Variants in SCHIP1 observed in about 807,000 individuals in gnomAD.
SCHIP1 encodes the protein schwannomin-interacting protein 1.
A neutral mutation model predicts 29.7 loss-of-function variants in SCHIP1; 8 were observed. The ratio of observed to expected loss-of-function variants is 0.27; its 90% CI spans 0.16 to 0.49. SCHIP1 has a LOEUF of 0.49. Ranked by LOEUF, SCHIP1 falls within the 20% of genes least tolerant of loss-of-function variation. The pLI is 0.99. For missense variants in SCHIP1, 193 were observed against 294.6 expected (o/e 0.66, Z 2.52); for synonymous variants, 76 against 94.9 (o/e 0.80, Z 1.16).
the SCHIP1 span, among the ~76,000 whole-genome samples, chr3:159,723,411 A>G: frequency 6.6e-6 from 1 of 152,216 alleles, no homozygotes; most frequent in Non-Finnish European, 1.5e-5. Context: ...CAGAAATAGA[A>G]AAGTATCACA....
At chr3:159,607,427 TATAAC>T in the SCHIP1 span, among the ~76,000 whole-genome samples, 2 of 152,120 alleles carry the variant, frequency 1.3e-5, no homozygotes, top group African/African-American at 4.8e-5. Context: ...ATTCCAAAAT[TATAAC>T]AGAGATCGAT....
At chr3:159,388,931 T>A in the SCHIP1 span, among the ~76,000 whole-genome samples, 4 of 152,062 alleles carry the variant, frequency 2.6e-5, no homozygotes, top group East Asian at 7.7e-4. Flanking sequence ...AATCTAAATA[T>A]ACGAATTTAT....
At position 159,866,664 on chromosome 3, in the gene SCHIP1, C is replaced by T. The variant is rs192195543; in HGVS notation, c.149+383C>T. On this transcript the variant is annotated intron_variant, in intron 2 of 6. Transcript: ENST00000445224. ...GTCCCAGATCACCCAGAATCACCCC[C>T]CTGACACATTTGATTGCAATAAATA... Among the ~76,000 whole-genome samples the T allele has an allele frequency of 4.3e-3, 658 of 152,222 alleles. 7 individuals are homozygous for T. Among genetic ancestry groups the T allele is most frequent in the African/African-American group, 0.015 (637 of 41,536 alleles).
the SCHIP1 span, among the ~76,000 whole-genome samples, chr3:159,510,113 C>T: frequency 2.0e-5 from 3 of 152,192 alleles, no homozygotes; most frequent in Non-Finnish European, 2.9e-5. Flanking sequence ...ACCAATCAGA[C>T]GTAGATTTGG....
At chr3:159,402,383 G>C in the SCHIP1 span, among the ~76,000 whole-genome samples, 2,416 of 152,278 alleles carry the variant, frequency 0.016, 84 homozygotes, top group African/African-American at 0.056. Context: ...CGATTCCTCA[G>C]AGATCTAGAA....
At chr3:159,299,682 C>T in the SCHIP1 span, among the ~76,000 whole-genome samples, 2 of 152,140 alleles carry the variant, frequency 1.3e-5, no homozygotes, top group African/African-American at 4.8e-5. Context: ...GGATGGGTTG[C>T]TCTGGTGTGG....
intron 1 of SCHIP1, chr3:159,853,564 A>T: frequency 3.9e-6 from 2 of 515,568 alleles, no homozygotes; most frequent in South Asian, 3.0e-5. Context: ...GGCTATTGCC[A>T]TAATATAGTC....
chr3:159,394,298 C>G, the SCHIP1 span, among the ~76,000 whole-genome samples: 1 of 151,892 alleles, frequency 6.6e-6, no homozygotes, highest in Non-Finnish European at 1.5e-5. Flanking sequence ...TAACTAAATA[C>G]CCTTTATTTC....
chr3:159,716,574 A>G, the SCHIP1 span, among the ~76,000 whole-genome samples: 1 of 152,006 alleles, frequency 6.6e-6, no homozygotes, highest in Admixed American at 6.6e-5. Flanking sequence ...AGCAAATGTA[A>G]AACAAAGAAA....
chr3:159,717,888 G>T, the SCHIP1 span, among the ~76,000 whole-genome samples: 1 of 152,176 alleles, frequency 6.6e-6, no homozygotes, highest in African/African-American at 2.4e-5. Flanking sequence ...TATGAGGCCA[G>T]CATCATCCTG....
At chr3:159,860,079 G>A (rs1351835991) in intron 1 of SCHIP1, among the ~76,000 whole-genome samples, 3 of 152,130 alleles carry the variant, frequency 2.0e-5, no homozygotes, top group Non-Finnish European at 4.4e-5. Context: ...GCCAACCAGT[G>A]TCTCAGCAAC....
chr3:159,428,278 AT>A, the SCHIP1 span, among the ~76,000 whole-genome samples: 1 of 152,042 alleles, frequency 6.6e-6, no homozygotes. Flanking sequence ...ATGGGAGAAA[AT>A]TTTCTCAACC....
chr3:159,687,978 A>G, the SCHIP1 span, among the ~76,000 whole-genome samples: 2 of 152,100 alleles, frequency 1.3e-5, no homozygotes, highest in African/African-American at 4.8e-5. Context: ...TATGTGCCAC[A>G]TTTTCTTTAT....
the SCHIP1 span, among the ~76,000 whole-genome samples, chr3:159,646,125 C>G: frequency 1.5e-4 from 23 of 152,120 alleles, no homozygotes; most frequent in South Asian, 2.1e-4. Context: ...AAAAACTCCA[C>G]AGAGCACAAG....
the SCHIP1 span, among the ~76,000 whole-genome samples, chr3:159,538,534 T>G: frequency 1.3e-5 from 2 of 152,194 alleles, no homozygotes; most frequent in Non-Finnish European, 2.9e-5. Context: ...AATAATTTAC[T>G]GTGCATAATA....
chr3:159,704,641 G>C, the SCHIP1 span, among the ~76,000 whole-genome samples: 1 of 151,784 alleles, frequency 6.6e-6, no homozygotes, highest in African/African-American at 2.4e-5. Context: ...ATCATATTAG[G>C]CAATTCCACT....
chr3:159,774,460 T>G, the SCHIP1 span, among the ~76,000 whole-genome samples: 1 of 152,232 alleles, frequency 6.6e-6, no homozygotes, highest in African/African-American at 2.4e-5. Context: ...CACTGATCCT[T>G]ATCACTTGTC....
At chr3:159,399,452 G>A in the SCHIP1 span, among the ~76,000 whole-genome samples, 3 of 152,240 alleles carry the variant, frequency 2.0e-5, no homozygotes, top group South Asian at 2.1e-4. Context: ...CAAGTGCCCA[G>A]AACAGTGCTT....
chr3:159,451,939 A>G, the SCHIP1 span, among the ~76,000 whole-genome samples: 1 of 152,056 alleles, frequency 6.6e-6, no homozygotes, highest in African/African-American at 2.4e-5. Flanking sequence ...CCTCAAATAA[A>G]TATACTCTTT....
Sources: allele counts gnomAD v4.1 joint callset (sites outside exome capture counted in the v4.1 genomes callset), GRCh38; gene constraint gnomAD v4.1.1; transcripts MANE v1.5; gene names NCBI Gene and HGNC (gene_info 2026-07-23, HGNC 2026-07-21).